Variants in ZNF821 observed in about 807,000 individuals in gnomAD.
The protein encoded by ZNF821 is zinc finger protein 821.
In ZNF821, 16 loss-of-function variants were observed where a neutral mutation model predicts 44.3. That is an observed-to-expected ratio of 0.36 (90% CI 0.24 to 0.55). The LOEUF is 0.55. ZNF821 is among the 20% of genes least tolerant of loss of function. The pLI is 0.86. For missense variants in ZNF821, 436 were observed against 547.6 expected (o/e 0.80, Z 2.03); for synonymous variants, 204 against 197.6 (o/e 1.03, Z -0.27).
intron 6 of ZNF821, among the ~76,000 whole-genome samples, chr16:71,863,773 C>G (rs189639441): frequency 1.4e-4 from 21 of 152,260 alleles, no homozygotes; most frequent in Admixed American, 5.2e-4. Context: ...TCTTGGCTCA[C>G]TGCGACCTCC....
At chr16:71,877,506 T>C (rs1040217482) in intron 3 of ZNF821, among the ~76,000 whole-genome samples, 1 of 152,162 alleles carries the variant, frequency 6.6e-6, no homozygotes, top group African/African-American at 2.4e-5. Context: ...GCAATCCTCC[T>C]GCCTTGGCCT....
intron 1 of ZNF821, among the ~76,000 whole-genome samples, chr16:71,890,974 CTG>C (rs1307795966): frequency 6.6e-6 from 1 of 151,694 alleles, no homozygotes; most frequent in East Asian, 1.9e-4. Context: ...CGGGGTTTCA[CTG>C]TGTTAGCCAG....
exon 1 of ZNF821, chr16:71,895,079 AC>A: frequency 2.4e-6 from 1 of 411,532 alleles, no homozygotes; most frequent in African/African-American, 2.1e-5. Context: ...AGGCTTCGAA[AC>A]CCCCTCGGCC....
At chr16:71,861,362 T>A (rs1193010641) in intron 7 of ZNF821, among the ~76,000 whole-genome samples, 3 of 152,156 alleles carry the variant, frequency 2.0e-5, no homozygotes, top group Non-Finnish European at 4.4e-5. Context: ...CCAACTCACC[T>A]CCTTCCCTCA....
exon 1 of ZNF821, chr16:71,894,935 A>G: frequency 1.9e-6 from 2 of 1,037,636 alleles, no homozygotes; most frequent in South Asian, 2.7e-5. Context: ...CTGAGGAAAC[A>G]CTACTGAATT....
At chr16:71,892,289 C>A (rs1446751373) in intron 1 of ZNF821, among the ~76,000 whole-genome samples, 1 of 144,222 alleles carries the variant, frequency 6.9e-6, no homozygotes, top group Non-Finnish European at 1.5e-5. Flanking sequence ...GTCTGTGAGA[C>A]AGAGTCTCCC....
In ZNF821 at chr16:71,860,009, G is replaced by C. The variant is rs1217726809; in HGVS notation, c.*9C>G. The C allele has an allele frequency of 1.9e-6, 3 of 1,571,172 alleles. No individual in the cohort carries two copies. In the African/African-American group the frequency reaches 4.0e-5, roughly 21 times the overall value. On this transcript the variant is annotated 3_prime_UTR_variant, in exon 8 of 8. Coordinates refer to ENST00000425432, the MANE Select transcript of ZNF821 (RefSeq NM_001201552.2). This position sits in a 1 kb window ranked among gnomAD's most constrained non-coding sequence, Gnocchi z 7.3. Reference sequence around the variant, plus strand: ...TAGGTGGGAAGGAGGGCAGGCAGGAGGGTGTGGTTCAGTGCAGAGAGCTGC... The same window carrying C: ...TAGGTGGGAAGGAGGGCAGGCAGGACGGTGTGGTTCAGTGCAGAGAGCTGC...
At position 71,864,276 on chromosome 16, in the gene ZNF821, T is replaced by C. The variant is rs754032465; in HGVS notation, c.313-34A>G. On this transcript the variant is annotated intron_variant, in intron 5 of 7. Coordinates refer to ENST00000425432, the MANE Select transcript of ZNF821 (RefSeq NM_001201552.2). ...CAACAAATAGGCAACTCATTAGGAC[T>C]CTTTACTCATCTCTTCCCTGCCCCA... 2.5e-6 allele frequency: 4 copies of C among 1,572,436 alleles called. No individual in the cohort carries two copies. The Admixed American group carries it at 6.7e-5, about 26-fold the overall frequency.
upstream of ZNF821, among the ~76,000 whole-genome samples, chr16:71,888,840 G>T (rs951462253): frequency 6.6e-6 from 1 of 152,060 alleles, no homozygotes; most frequent in Non-Finnish European, 1.5e-5. Flanking sequence ...TCTTATATAT[G>T]AACCCAAATC....
At chr16:71,872,129 CCTG>C (rs1011557205) in intron 3 of ZNF821, among the ~76,000 whole-genome samples, 17 of 152,100 alleles carry the variant, frequency 1.1e-4, no homozygotes, top group Admixed American at 9.2e-4. Flanking sequence ...CTGCGCCCGG[CCTG>C]GTTAAGGTTT....
chr16:71,894,156 T>C (rs1225341833), intron 1 of ZNF821: 2 of 152,174 alleles, frequency 1.3e-5, no homozygotes, highest in Non-Finnish European at 2.9e-5. Flanking sequence ...CAACATCTTA[T>C]GATAAGGGCT....
chr16:71,884,502 T>C (rs953122585), upstream of ZNF821: 1 of 151,734 alleles, frequency 6.6e-6, no homozygotes, highest in African/African-American at 2.4e-5. Flanking sequence ...TACCCCACCA[T>C]CGAGTTCAGC....
intron 3 of ZNF821, among the ~76,000 whole-genome samples, chr16:71,875,089 G>A (rs2035650161): frequency 6.6e-6 from 1 of 152,134 alleles, no homozygotes; most frequent in Non-Finnish European, 1.5e-5. Context: ...CTGCTCTTTA[G>A]TTGTAGCTGA....
chr16:71,860,439 C>T lies in ZNF821; in HGVS notation c.818G>A (p.Arg273Gln), dbSNP rs1428226673. Residue 273 changes from arginine to glutamine, a missense_variant, in exon 8 of 8, where the codon CGG (arginine) becomes CAG (glutamine). Physicochemically the swap from Arg to Gln is conservative, Grantham distance 43 (BLOSUM62 1). Around this residue, in one of 5 missense-constraint regions of ZNF821, gnomAD observed 68 missense variants for 57.0 expected, o/e 1.19. Transcript: ENST00000425432. The surrounding 1 kb of genome is among the most constrained non-coding windows in gnomAD (Gnocchi z 7.3). The stretch of plus-strand genomic sequence containing the variant: ...CTTGGCCGTGCGCTCTCGTTCCAGC[C>T]GCTGCAGCCGTACTTCCAAAGGCTC... ...QNEPLEVRLQRLERERTAKKS... is the reference protein window; with the variant it reads ...QNEPLEVRLQQLERERTAKKS... 2 of 1,613,886 alleles carry T rather than the reference C, an allele frequency of 1.2e-6. No individual in the cohort carries two copies. The highest frequency in any genetic ancestry group is 1.7e-6 in the Non-Finnish European group (2 of 1,180,042).
intron 3 of ZNF821, among the ~76,000 whole-genome samples, chr16:71,877,999 CACAT>C (rs1216643691): frequency 1.4e-5 from 2 of 147,030 alleles, no homozygotes; most frequent in East Asian, 3.9e-4. Context: ...TATATATACA[CACAT>C]ATATAGGTTT....
intron 5 of ZNF821, 40 bp from the exon 6 acceptor site, chr16:71,864,282 C>A: frequency 6.4e-7 from 1 of 1,559,554 alleles, no homozygotes; most frequent in Middle Eastern, 1.7e-4. Flanking sequence ...GGACTCTTTA[C>A]TCATCTCTTC....
At position 71,882,729 on chromosome 16, in the gene ZNF821, T is replaced by C. The variant is rs573876985; in HGVS notation, c.-78+482A>G. 5.3e-5 allele frequency among the ~76,000 whole-genome samples: 8 copies of C among 152,216 alleles called. No homozygotes were observed. The East Asian group carries it at 1.2e-3, about 22-fold the overall frequency. On this transcript the variant is annotated intron_variant, in intron 2 of 7. Transcript: ENST00000425432. ...CCACAAAAACAGGCCTGTGGGGTCATGGGCTGTTGAAAATCAATAAGTAAA... is the reference window on the plus strand; with the variant it reads ...CCACAAAAACAGGCCTGTGGGGTCACGGGCTGTTGAAAATCAATAAGTAAA...
upstream of ZNF821, chr16:71,884,732 A>G (rs943202173): frequency 1.3e-5 from 2 of 152,148 alleles, no homozygotes; most frequent in East Asian, 3.9e-4. Flanking sequence ...TCTTTTGAGT[A>G]TTTAATTTTC....
At position 71,893,464 on chromosome 16, in the gene ZNF821, C is replaced by CT. The variant is rs763296785; in HGVS notation, n.448+1424dup. 3.4e-3 allele frequency among the ~76,000 whole-genome samples: 478 copies of CT among 141,150 alleles called. 2 individuals are homozygous for CT. The highest frequency in any genetic ancestry group is 5.3e-3 in the East Asian group (25 of 4,728). 92.6% of individuals were successfully genotyped at this position (141,150 alleles called of 152,430 possible). Reference sequence around the variant, plus strand: ...GGCGTGAGCCACCACGCCTGGCCCACTTTTTTTTTTTTTGGGACAGGGTCT... The same window carrying CT: ...GGCGTGAGCCACCACGCCTGGCCCACTTTTTTTTTTTTTTGGGACAGGGTCT... On this transcript the variant is annotated intron_variant and non_coding_transcript_variant, in intron 1 of 2. Coordinates refer to the ZNF821 transcript ENST00000561700.
Sources: gnomAD v4.1 joint callset for allele counts (sites outside exome capture counted in the v4.1 genomes callset) on GRCh38, gnomAD v4.1.1 for gene constraint, gnomAD v4.1.1 regional missense constraint, Gnocchi (gnomAD v3.1) non-coding constraint, MANE v1.5 for transcripts, NCBI Gene and HGNC (gene_info 2026-07-23, HGNC 2026-07-21) for gene names.